The following DPH6 variants were observed in gnomAD, a reference collection of about 807,000 sequenced individuals.
The protein encoded by DPH6 is diphthamine biosynthesis 6.
A neutral mutation model predicts 38.2 loss-of-function variants in DPH6; 33 were observed. That is an observed-to-expected ratio of 0.86 (90% CI 0.65 to 1.15). The LOEUF is 1.15. DPH6 is among the 50% of genes most tolerant of loss of function. DPH6 has a pLI of 0.00. For missense variants in DPH6, 325 were observed against 320.0 expected, an observed-to-expected ratio of 1.02 and a Z score of -0.12; for synonymous variants, 108 against 103.0, an observed-to-expected ratio of 1.05 and a Z score of -0.30.
At chr15:35,418,703 T>C (rs1169033042) in intron 5 of DPH6, among the ~76,000 whole-genome samples, 1 of 152,142 alleles carries the variant, frequency 6.6e-6, no homozygotes, top group East Asian at 1.9e-4. Context: ...TGAATAAATG[T>C]TAACCCTACA....
chr15:35,422,919 T>C (rs1190277715), intron 5 of DPH6, among the ~76,000 whole-genome samples: 1 of 151,886 alleles, frequency 6.6e-6, no homozygotes, highest in African/African-American at 2.4e-5. Context: ...GAATAATACT[T>C]CATTGTATAA....
intron 5 of DPH6, among the ~76,000 whole-genome samples, chr15:35,416,199 C>T (rs1293050574): frequency 5.3e-5 from 8 of 151,946 alleles, no homozygotes; most frequent in Non-Finnish European, 1.0e-4. Context: ...TGCGTTGGGC[C>T]GCATTCAAAG....
chr15:35,522,064 G>A, intron 3 of DPH6: 1 of 1,607,082 alleles, frequency 6.2e-7, no homozygotes, highest in Non-Finnish European at 8.5e-7. Context: ...ACAGGAAAAG[G>A]GTTGAGGGGA....
intron 5 of DPH6, among the ~76,000 whole-genome samples, chr15:35,429,367 G>A (rs377564497): frequency 7.9e-5 from 12 of 152,064 alleles, no homozygotes; most frequent in African/African-American, 1.7e-4. Flanking sequence ...GTTTTACCTC[G>A]TCATTTTTAG....
chr15:35,416,404 T>G (rs1164962652), intron 5 of DPH6, among the ~76,000 whole-genome samples: 1 of 152,048 alleles, frequency 6.6e-6, no homozygotes, highest in Non-Finnish European at 1.5e-5. Context: ...GTAGGTTTTT[T>G]TGGCATGAAC....
chr15:35,216,030 T>G (rs2051409679), downstream of DPH6, among the ~76,000 whole-genome samples: 1 of 152,242 alleles, frequency 6.6e-6, no homozygotes, highest in Non-Finnish European at 1.5e-5. Flanking sequence ...TTAGTACAGT[T>G]TCAGCAAAGT....
intron 3 of DPH6, among the ~76,000 whole-genome samples, chr15:35,365,352 T>G (rs539013244): frequency 6.6e-6 from 1 of 152,258 alleles, no homozygotes; most frequent in African/African-American, 2.4e-5. Context: ...CAGTTCACTA[T>G]TGTACACCCA....
chr15:35,531,869 G>GATA (rs2055092880), intron 3 of DPH6, among the ~76,000 whole-genome samples: 1 of 152,048 alleles, frequency 6.6e-6, no homozygotes, highest in Non-Finnish European at 1.5e-5. Flanking sequence ...TGCTAGGACA[G>GATA]ATACAAAAAT....
At chr15:35,486,485 A>G (rs1190809951) in intron 3 of DPH6, among the ~76,000 whole-genome samples, 2 of 152,166 alleles carry the variant, frequency 1.3e-5, no homozygotes, top group African/African-American at 2.4e-5. Context: ...ATGGCAGCAG[A>G]GAGAAAGCAA....
chr15:35,382,065 A>G, intron 6 of DPH6, 149 bp from the exon 7 acceptor site: 1 of 629,740 alleles, frequency 1.6e-6, no homozygotes, highest in Non-Finnish European at 2.8e-6. Context: ...TTTCTGCTTA[A>G]AACCTGTTTA....
chr15:35,245,653 A>G (rs975434673), intron 3 of DPH6, among the ~76,000 whole-genome samples: 5 of 152,218 alleles, frequency 3.3e-5, no homozygotes, highest in Non-Finnish European at 7.3e-5. Context: ...TCATTTTCCA[A>G]GAAGACTTAT....
chr15:35,504,871 T>G (rs1469788870), intron 3 of DPH6, among the ~76,000 whole-genome samples: 1 of 152,034 alleles, frequency 6.6e-6, no homozygotes, highest in Non-Finnish European at 1.5e-5. Context: ...ACAAGCAATC[T>G]TTGAGGAAAT....
chr15:35,425,067 GAC>G, intron 5 of DPH6, among the ~76,000 whole-genome samples: 1 of 151,684 alleles, frequency 6.6e-6, no homozygotes, highest in South Asian at 2.1e-4. Context: ...ATATAGTTGA[GAC>G]AGCAACCAAT....
the DPH6 span, among the ~76,000 whole-genome samples, chr15:35,198,921 T>G: frequency 6.9e-6 from 1 of 145,494 alleles, no homozygotes; most frequent in African/African-American, 2.5e-5. Context: ...TGTCTTCTTC[T>G]TTTTTTTTTT....
chr15:35,518,156 T>C (rs1310429827), intron 3 of DPH6, among the ~76,000 whole-genome samples: 3 of 152,032 alleles, frequency 2.0e-5, no homozygotes, highest in Admixed American at 6.6e-5. Context: ...AATTAGGCAC[T>C]ATGAATTCAA....
chr15:35,543,216 C>T (rs1355079678), intron 1 of DPH6, among the ~76,000 whole-genome samples: 4 of 142,744 alleles, frequency 2.8e-5, no homozygotes, highest in Non-Finnish European at 6.0e-5. Flanking sequence ...ACTATCAGCA[C>T]TTCAGCCATC....
chr15:35,437,543 C>A (rs1382882271), intron 5 of DPH6, among the ~76,000 whole-genome samples: 1 of 152,114 alleles, frequency 6.6e-6, no homozygotes, highest in Non-Finnish European at 1.5e-5. Context: ...TGGTGCAAAC[C>A]GGTAAAGGGA....
chr15:35,199,446 T>A, the DPH6 span, among the ~76,000 whole-genome samples: 1 of 152,166 alleles, frequency 6.6e-6, no homozygotes, highest in Non-Finnish European at 1.5e-5. Context: ...ATTCAGTAAA[T>A]GCCATTCATT....
the DPH6 span, among the ~76,000 whole-genome samples, chr15:35,162,823 CA>C: frequency 2.0e-5 from 3 of 151,760 alleles, no homozygotes; most frequent in Non-Finnish European, 2.9e-5. Flanking sequence ...AAGGTTTTTC[CA>C]AAACTGTAGA....
Sources: gnomAD v4.1 joint callset for allele counts (sites outside exome capture counted in the v4.1 genomes callset) on GRCh38, gnomAD v4.1.1 for gene constraint, MANE v1.5 for transcripts, NCBI Gene and HGNC (gene_info 2026-07-23, HGNC 2026-07-21) for gene names.